Variants in SBF1 observed in about 807,000 individuals in gnomAD.
The protein encoded by SBF1 is myotubularin-related protein 5.
Under a neutral mutation model 215.8 loss-of-function variants are expected in SBF1, and 65 were observed. The observed-to-expected ratio is 0.30, with a 90% CI of 0.25 to 0.37. The LOEUF is 0.37. Among genes scored for constraint, SBF1 ranks in the 10% least tolerant of loss-of-function variants. The pLI is 1.00. For missense variants in SBF1, 2,634 were observed against 2,667.8 expected (o/e 0.99, Z 0.28); for synonymous variants, 1,410 against 1,122.8 (o/e 1.26, Z -5.11).
chr22:50,454,589 T>C lies in SBF1; in HGVS notation c.4966A>G (p.Ser1656Gly), dbSNP rs1406716100. The change falls in exon 36 of 41, where the codon AGC becomes GGC. Residue 1656 changes from serine to glycine, a missense_variant. Ser to Gly is a moderately conservative substitution (Grantham distance 56, BLOSUM62 0). Transcript: ENST00000380817. ...CAGGGCCACACCACGCGGCGCCTGC[T>C]CTGGGGAGCGCCTCCATCAGACCGT... ...EERSDGGAPQ[S>G]RRRVVWPCYD... 1 of 1,610,978 alleles carries C rather than the reference T, an allele frequency of 6.2e-7. No homozygotes were observed. Among genetic ancestry groups the C allele is most frequent in the Non-Finnish European group, 8.5e-7 (1 of 1,179,222 alleles).
chr22:50,465,377 C>G, intron 10 of SBF1, 49 bp from the exon 11 acceptor site: 2 of 1,485,766 alleles, frequency 1.3e-6, no homozygotes, highest in Non-Finnish European at 1.8e-6. Context: ...CCAATCCCCA[C>G]CCCAGGCTGC....
At chr22:50,456,958 G>A (rs889607845) in intron 29 of SBF1, 76 bp downstream of exon 29, 14 of 1,207,142 alleles carry the variant, frequency 1.2e-5, no homozygotes, top group South Asian at 1.8e-5. Flanking sequence ...ATTAGTGCCC[G>A]CAATAACTCA....
At position 50,456,576 on chromosome 22, in the gene SBF1, C is replaced by T. The variant is rs760840362; in HGVS notation, c.4002G>A (p.Gln1334=). The part of the protein sequence containing the change: ...LAGRDALAPP[Q]ANGGPPDPGF... ...CCGGGTCGGGAGGGCCCCCGTTGGC[C>T]TGGGGTGGGGCCAGCGCGTCTCTGC... Residue 1334 remains glutamine, a synonymous_variant, in exon 30 of 41, where the codon CAG becomes CAA. Coordinates refer to ENST00000380817, the MANE Select transcript of SBF1 (RefSeq NM_002972.4). 1.9e-6 allele frequency: 3 copies of T among 1,567,126 alleles called. No homozygotes were observed. Among genetic ancestry groups the T allele is most frequent in the African/African-American group, 2.7e-5 (2 of 73,892 alleles).
At chr22:50,458,009 G>A (rs1021012704) in intron 28 of SBF1, among the ~76,000 whole-genome samples, 2 of 152,178 alleles carry the variant, frequency 1.3e-5, no homozygotes, top group African/African-American at 4.8e-5. Flanking sequence ...TTGTAAAAAG[G>A]TCAGAGCTGG....
chr22:50,454,662 G>A lies in SBF1; in HGVS notation c.4893C>T (p.Pro1631=). ...GCCCCTGGGCCAGTTCCCAGTCATA[G>A]GGAGGGCCCTCGGCCAGCGTCTCCT... ...YTEETLAEGP[P]YDWELAQGPP... The change falls in exon 36 of 41, where the codon CCC becomes CCT. Residue 1631 remains proline, a synonymous_variant. Coordinates refer to ENST00000380817, the MANE Select transcript of SBF1 (RefSeq NM_002972.4). 5.0e-6 allele frequency: 8 copies of A among 1,584,166 alleles called. No individual in the cohort carries two copies. Among genetic ancestry groups the A allele is most frequent in the Non-Finnish European group, 6.9e-6 (8 of 1,165,598 alleles).
intron 10 of SBF1, 56 bp from the exon 11 acceptor site, chr22:50,465,384 C>G: frequency 6.8e-7 from 1 of 1,471,026 alleles, no homozygotes; most frequent in African/African-American, 1.4e-5. Flanking sequence ...CCACCCCAGG[C>G]TGCCCAGGAG....
At chr22:50,467,024 A>C (rs2067794150) in intron 5 of SBF1, 1 of 568,922 alleles carries the variant, frequency 1.8e-6, no homozygotes, top group African/African-American at 1.9e-5. Context: ...GACGGGCAGA[A>C]AGACACGGTT....
chr22:50,461,698 G>C lies in SBF1; in HGVS notation c.2664C>G (p.Arg888=), dbSNP rs768225492. Residue 888 remains arginine, a synonymous_variant, in exon 22 of 41, where the codon CGC becomes CGG. Coordinates refer to ENST00000380817, the MANE Select transcript of SBF1 (RefSeq NM_002972.4). ...PIQKPKLLRP[R]LLPGEECVLD... ...GCACACACTCCTCACCCGGCAGCAGGCGCGGCCGCAGCAGCTTGGGCTGCT... is the reference window on the plus strand; with the variant it reads ...GCACACACTCCTCACCCGGCAGCAGCCGCGGCCGCAGCAGCTTGGGCTGCT... 15 of 1,609,506 alleles carry C rather than the reference G, an allele frequency of 9.3e-6. No individual in the cohort carries two copies. The highest frequency in any genetic ancestry group is 9.3e-6 in the Non-Finnish European group (11 of 1,178,906).
At chr22:50,468,275 G>A (rs941689980) in intron 2 of SBF1, 101 bp downstream of exon 2, 28 of 1,136,826 alleles carry the variant, frequency 2.5e-5, no homozygotes, top group Non-Finnish European at 3.3e-5. Flanking sequence ...CCCAGCGGGG[G>A]GCCGGGCACT....
rs1460741235 is a variant in SBF1, at chr22:50,446,478, C to T, written c.*664G>A. The T allele has an allele frequency of 9.9e-6, 2 of 202,280 alleles. No homozygotes were observed. Among genetic ancestry groups the T allele is most frequent in the African/African-American group, 2.3e-5 (1 of 42,860 alleles). 12.5% of individuals were successfully genotyped at this position (202,280 alleles called of 1,614,324 possible). ...TTCTGGGGTCAAATGACCACCCACC[C>T]TTTCACCCCCAAGCCTCTGTGAGGT... On this transcript the variant is annotated 3_prime_UTR_variant, in exon 41 of 41. Coordinates refer to ENST00000380817, the MANE Select transcript of SBF1 (RefSeq NM_002972.4).
intron 1 of SBF1, 110 bp downstream of exon 1, chr22:50,474,676 C>T: frequency 2.2e-6 from 2 of 897,056 alleles, no homozygotes; most frequent in Non-Finnish European, 3.2e-6. Context: ...CCCGACCCAG[C>T]CCCCAGCCCT....
At chr22:50,463,172 C>A in intron 16 of SBF1, 111 bp downstream of exon 16, 1 of 1,419,552 alleles carries the variant, frequency 7.0e-7, no homozygotes. Flanking sequence ...TGCCCACTGG[C>A]ACAGGAGTCT....
chr22:50,457,129 A>G lies in SBF1; in HGVS notation c.3827-18T>C, dbSNP rs769646391. 3.5e-5 allele frequency: 51 copies of G among 1,466,542 alleles called. No individual in the cohort carries two copies. In the South Asian group the frequency reaches 6.7e-4, roughly 19 times the overall value. The allele number at this position is 1,466,542 out of a possible 1,614,324, so 90.8% of individuals were successfully genotyped here. On this transcript the variant is annotated intron_variant, in intron 28 of 40. Transcript: ENST00000380817. ...GCTGGGAACTGAGGGCACAGCAGAG[A>G]GAAGGCTCAGGCCTAGCCCCAGGCC...
intron 17 of SBF1, 43 bp downstream of exon 17, chr22:50,462,827 A>C: frequency 1.4e-5 from 22 of 1,605,590 alleles, no homozygotes; most frequent in Non-Finnish European, 1.8e-5. Flanking sequence ...AGCCACCAGG[A>C]AGGGGGGGCT....
At chr22:50,459,213 CA>C (rs756732558) in intron 28 of SBF1, 41 bp downstream of exon 28, 3 of 1,570,312 alleles carry the variant, frequency 1.9e-6, no homozygotes, top group Non-Finnish European at 2.6e-6. Flanking sequence ...CACGGCCCCC[CA>C]AAGTGCCCCT....
intron 36 of SBF1, among the ~76,000 whole-genome samples, chr22:50,449,619 C>G (rs934965094): frequency 1.1e-5 from 1 of 93,372 alleles, no homozygotes; most frequent in Non-Finnish European, 2.1e-5. Flanking sequence ...TGTCTCAAAA[C>G]ACACAAACAC....
At chr22:50,450,694 C>T (rs927277750) in intron 36 of SBF1, among the ~76,000 whole-genome samples, 4 of 152,212 alleles carry the variant, frequency 2.6e-5, no homozygotes, top group African/African-American at 9.6e-5. Flanking sequence ...CCTGGAGCTT[C>T]TCTAGAGGTG....
At chr22:50,462,762 G>T (rs1367639092) in intron 17 of SBF1, 45 bp from the exon 18 acceptor site, 9 of 1,609,306 alleles carry the variant, frequency 5.6e-6, no homozygotes, top group Non-Finnish European at 7.6e-6. Context: ...AGCCAGGAAG[G>T]GCGGCTGGGA....
Position 50,459,498 on chromosome 22 carries a change from G to A in SBF1, c.3660C>T (p.Leu1220=), listed in dbSNP as rs780748064. ...GGLHGKGVVG[L]FKAQNAPSPG... ...GAGAAGGTGCGTTCTGGGCCTTGAA[G>A]AGGCCGACGACACCTTTGCCATGCA... The change falls in exon 27 of 41, where the codon CTC becomes CTT. Residue 1220 remains leucine, a synonymous_variant. Coordinates refer to ENST00000380817, the MANE Select transcript of SBF1 (RefSeq NM_002972.4). 5.6e-6 allele frequency: 9 copies of A among 1,610,190 alleles called. No individual in the cohort carries two copies. The highest frequency in any genetic ancestry group is 1.1e-5 in the South Asian group (1 of 91,074).
Sources: gnomAD v4.1 joint callset for allele counts (sites outside exome capture counted in the v4.1 genomes callset) on GRCh38, gnomAD v4.1.1 for gene constraint, MANE v1.5 for transcripts, NCBI Gene and HGNC (gene_info 2026-07-23, HGNC 2026-07-21) for gene names.